The following PADI1 variants were observed in gnomAD, a reference collection of about 807,000 sequenced individuals.
PADI1 encodes peptidyl arginine deiminase 1, also known as protein-arginine deiminase type-1.
PADI1 carries 65 observed loss-of-function variants against 74.8 expected under a neutral mutation model. The observed-to-expected ratio is 0.87, with a 90% CI of 0.71 to 1.07. PADI1 has a LOEUF of 1.07. Ranked by LOEUF, PADI1 falls within the 50% of genes least tolerant of loss-of-function variation. The pLI is 0.00. For missense variants in PADI1, 943 were observed against 854.0 expected, an observed-to-expected ratio of 1.10 and a Z score of -1.30; for synonymous variants, 371 against 336.2, an observed-to-expected ratio of 1.10 and a Z score of -1.13.
chr1:17,227,571 A>AATT (rs1557468569), intron 6 of PADI1, among the ~76,000 whole-genome samples: 100 of 133,184 alleles, frequency 7.5e-4, no homozygotes, highest in African/African-American at 1.8e-3. Flanking sequence ...ATAAATAAAT[A>AATT]AATAAATAAA....
At position 17,230,102 on chromosome 1, in the gene PADI1, G is replaced by A. The variant is rs780977133; in HGVS notation, c.947G>A (p.Gly316Asp). The A allele has an allele frequency of 1.2e-6, 2 of 1,613,940 alleles. No homozygotes were observed. Among genetic ancestry groups the A allele is most frequent in the Non-Finnish European group, 1.7e-6 (2 of 1,179,818 alleles). The change falls in exon 9 of 16, where the codon GGC becomes GAC. Residue 316 changes from glycine to aspartate, a missense_variant. Coordinates refer to ENST00000375471, the MANE Select transcript of PADI1 (RefSeq NM_013358.3). ...LYVCRVMDTH[G>D]SNEKFLEDMS... is the part of the protein sequence containing the mutation. Reference sequence around the variant, plus strand: ...TTTTACAGAGTGATGGACACTCATGGCTCCAATGAGAAATTCCTGGAGGAC... The same window carrying A: ...TTTTACAGAGTGATGGACACTCATGACTCCAATGAGAAATTCCTGGAGGAC...
chr1:17,216,805 G>A (rs1272377604), intron 1 of PADI1, among the ~76,000 whole-genome samples: 4 of 152,134 alleles, frequency 2.6e-5, no homozygotes, highest in Non-Finnish European at 5.9e-5. Context: ...AGGAGGCAGA[G>A]GTTGCAGTGA....
chr1:17,238,856 G>A, intron 13 of PADI1, 147 bp downstream of exon 13: 1 of 438,856 alleles, frequency 2.3e-6, no homozygotes, highest in African/African-American at 2.0e-5. Flanking sequence ...TCCTCTGATG[G>A]GTGGGGGAGT....
At chr1:17,235,529 T>A (rs1431226073) in intron 11 of PADI1, among the ~76,000 whole-genome samples, 1 of 152,112 alleles carries the variant, frequency 6.6e-6, no homozygotes, top group Non-Finnish European at 1.5e-5. Flanking sequence ...TTCAGATGCC[T>A]CATGGGGCAG....
intron 15 of PADI1, among the ~76,000 whole-genome samples, chr1:17,241,096 C>T (rs1201081986): frequency 6.6e-6 from 1 of 152,170 alleles, no homozygotes; most frequent in Non-Finnish European, 1.5e-5. Flanking sequence ...TGGTTTGGTT[C>T]CAAGTGTTTC....
intron 13 of PADI1, among the ~76,000 whole-genome samples, chr1:17,239,219 G>A (rs1347857346): frequency 6.6e-6 from 1 of 152,126 alleles, no homozygotes; most frequent in African/African-American, 2.4e-5. Flanking sequence ...GAATACCTGG[G>A]GAATAGAGCA....
intron 4 of PADI1, among the ~76,000 whole-genome samples, chr1:17,225,075 A>G (rs12057156): frequency 0.23 from 34,973 of 152,130 alleles, 4,235 homozygotes; most frequent in Middle Eastern, 0.38. Flanking sequence ...AATCATGTCT[A>G]GGGCCCTGCT....
At chr1:17,208,550 C>T (rs1479369977) in intron 1 of PADI1, among the ~76,000 whole-genome samples, 2 of 122,394 alleles carry the variant, frequency 1.6e-5, no homozygotes, top group African/African-American at 3.3e-5. Context: ...TAGCCCACCA[C>T]CCTGTCCACC....
At chr1:17,234,042 C>T (rs1469392935) in intron 11 of PADI1, among the ~76,000 whole-genome samples, 1 of 152,210 alleles carries the variant, frequency 6.6e-6, no homozygotes, top group Admixed American at 6.5e-5. Flanking sequence ...GACAGTCTTT[C>T]TCTAACTCAG....
chr1:17,238,585 C>T (rs1478150899), intron 12 of PADI1, 31 bp from the exon 13 acceptor site: 1 of 1,309,718 alleles, frequency 7.6e-7, no homozygotes, highest in Admixed American at 2.7e-5. Context: ...GGACCCTGTC[C>T]ACTGAGCCAT....
chr1:17,229,690 T>C (rs770515337), intron 8 of PADI1, among the ~76,000 whole-genome samples: 2 of 152,184 alleles, frequency 1.3e-5, no homozygotes, highest in South Asian at 2.1e-4. Context: ...AAAAAGAGAC[T>C]GTTCTCCTGC....
chr1:17,226,923 T>C (rs1458287943), intron 6 of PADI1, among the ~76,000 whole-genome samples: 1 of 151,662 alleles, frequency 6.6e-6, no homozygotes, highest in African/African-American at 2.4e-5. Context: ...TGGCGGCAGG[T>C]GCCTGTAGTC....
chr1:17,222,512 A>C (rs760007477), intron 2 of PADI1, 42 bp downstream of exon 2: 32 of 1,490,024 alleles, frequency 2.1e-5, no homozygotes, highest in Admixed American at 1.7e-5. Flanking sequence ...GGATCTCTCC[A>C]CCCCCATCCA....
Position 17,240,751 on chromosome 1 carries a change from C to G in PADI1, c.1749C>G (p.Phe583Leu). 5 of 1,613,842 alleles carry G rather than the reference C, an allele frequency of 3.1e-6. No homozygotes were observed. Among genetic ancestry groups the G allele is most frequent in the Non-Finnish European group, 4.2e-6 (5 of 1,179,796 alleles). ...AAAACTTCTACGCGGAAGCCTTCTTCCCAGACATGGTGAGAGCCCTTGTGC... is the reference window on the plus strand; with the variant it reads ...AAAACTTCTACGCGGAAGCCTTCTTGCCAGACATGGTGAGAGCCCTTGTGC... ...FLKNFYAEAF[F>L]PDMVNMVVLG... is the part of the protein sequence containing the mutation. The change falls in exon 15 of 16, where the codon TTC becomes TTG. Residue 583 changes from phenylalanine to leucine, a missense_variant. By Grantham distance (22) the Phe-to-Leu change is conservative (BLOSUM62 0). Coordinates refer to ENST00000375471, the MANE Select transcript of PADI1 (RefSeq NM_013358.3).
At chr1:17,224,327 C>T in intron 3 of PADI1, 40 bp from the exon 4 acceptor site, 1 of 1,582,268 alleles carries the variant, frequency 6.3e-7, no homozygotes. Context: ...GAAGATGGGG[C>T]TGGATGAGCC....
At chr1:17,228,927 A>G (rs1201855893) in intron 7 of PADI1, 21 bp from the exon 8 acceptor site, 1 of 1,583,332 alleles carries the variant, frequency 6.3e-7, no homozygotes, top group Non-Finnish European at 8.6e-7. Context: ...AGGGCCCACC[A>G]AGTCCTCATT....
rs566736825 is a variant in PADI1 at position 17,213,013 on chromosome 1, C to T, written c.92+7704C>T. On this transcript the variant is annotated intron_variant, in intron 1 of 15. Coordinates refer to ENST00000375471, the MANE Select transcript of PADI1 (RefSeq NM_013358.3). ...CTCTCAACACATTCCTGTTTCCTTC[C>T]GACATCCCTGATCGTCTCCTCCTTC... is the stretch of plus-strand genomic sequence containing the variant. Among the ~76,000 whole-genome samples, 26 of 152,334 alleles carry T rather than the reference C, an allele frequency of 1.7e-4. 1 individual carries two copies. In the South Asian group the frequency reaches 5.0e-3, roughly 29 times the overall value.
chr1:17,240,113 A>C (rs3003414), intron 14 of PADI1: 156,940 of 312,862 alleles, frequency 0.5, 40,212 homozygotes, highest in African/African-American at 0.6. Flanking sequence ...TAGGACCTTG[A>C]GGGGCCCAGA....
chr1:17,225,505 G>A (rs2072282593), intron 4 of PADI1, among the ~76,000 whole-genome samples: 1 of 152,106 alleles, frequency 6.6e-6, no homozygotes, highest in Non-Finnish European at 1.5e-5. Context: ...CACAGGCAGA[G>A]CTAAAGCTTA....
Sources: gnomAD v4.1 joint callset for allele counts (sites outside exome capture counted in the v4.1 genomes callset) on GRCh38, gnomAD v4.1.1 for gene constraint, MANE v1.5 for transcripts, NCBI Gene and HGNC (gene_info 2026-07-23, HGNC 2026-07-21) for gene names.